Variants in MYH2 observed in about 807,000 individuals in gnomAD.
MYH2 encodes myosin heavy chain 2, also known as myosin-2.
MYH2 carries 139 observed loss-of-function variants against 228.1 expected under a neutral mutation model. The observed-to-expected ratio is 0.61, with a 90% CI of 0.53 to 0.70. The LOEUF (loss-of-function observed/expected upper bound fraction) is 0.70, where lower values mean the gene tolerates loss of function less well. MYH2 is among the 30% of genes least tolerant of loss of function. The pLI is 0.00. For synonymous variants in MYH2, 796 were observed against 871.1 expected, an observed-to-expected ratio of 0.91 and a Z score of 1.52; for missense variants, 1,809 against 2,357.5, an observed-to-expected ratio of 0.77 and a Z score of 4.82.
intron 10 of MYH2, among the ~76,000 whole-genome samples, chr17:10,542,203 G>T (rs1254871666): frequency 2.0e-5 from 3 of 152,194 alleles, no homozygotes; most frequent in African/African-American, 4.8e-5. Context: ...GAACCTGGGA[G>T]GTGGAGGTAG....
chr17:10,529,950 T>C lies in MYH2; in HGVS notation c.2822A>G (p.Glu941Gly). ...RAEDEEEINA[E>G]LTAKKRKLED... is the part of the protein sequence containing the mutation. ...CAGTTTCCTCTTCTTGGCTGTCAGCTCAGCATTGATCTCTTCCTCATCCTC... is the reference window on the plus strand; with the variant it reads ...CAGTTTCCTCTTCTTGGCTGTCAGCCCAGCATTGATCTCTTCCTCATCCTC... Residue 941 changes from glutamate (E) to glycine (G), a missense_variant, in exon 23 of 40, where the codon GAG (glutamate) becomes GGG (glycine). Physicochemically the swap from Glu to Gly is moderately conservative, Grantham distance 98. Transcript: ENST00000245503. The C allele has an allele frequency of 6.2e-7, 1 of 1,613,784 alleles. No individual in the cohort carries two copies. The highest frequency in any genetic ancestry group is 1.3e-5 in the African/African-American group (1 of 74,992).
chr17:10,546,256 G>GATATATAT (rs71139049), intron 4 of MYH2, among the ~76,000 whole-genome samples: 5,831 of 65,616 alleles, frequency 0.089, 786 homozygotes, highest in East Asian at 0.22. Context: ...GACACGAAAT[G>GATATATAT]ATATATATAT....
At chr17:10,527,166 G>T (rs1013665856) in intron 28 of MYH2, 110 bp from the exon 29 acceptor site, 51 of 946,826 alleles carry the variant, frequency 5.4e-5, no homozygotes, top group East Asian at 7.3e-5. Flanking sequence ...TGCTCAGATG[G>T]TTGAATTCTA....
In MYH2 at chr17:10,547,850, C is replaced by G; in HGVS notation, c.71G>C (p.Arg24Pro). The G allele has an allele frequency of 1.9e-6, 3 of 1,614,174 alleles. No individual in the cohort carries two copies. In the South Asian group the frequency reaches 3.3e-5, roughly 18 times the overall value. Residue 24 changes from arginine to proline, a missense_variant, in exon 3 of 40, where the codon CGC (arginine) becomes CCC (proline). Arg to Pro is a moderately radical substitution (Grantham distance 103). Transcript: ENST00000245503. ...APFLRKSERE[R>P]IEAQNRPFDA... is the part of the protein sequence containing the mutation. ...AAAGGGCCTATTCTGGGCCTCAATG[C>G]GCTCCCTTTCAGACTTTCGGAGGAA...
Position 10,527,788 on chromosome 17 carries a change from A to T in MYH2, c.3831T>A (p.Asn1277Lys), listed in dbSNP as rs748769486. The T allele has an allele frequency of 1.9e-6, 3 of 1,614,024 alleles. No individual in the cohort carries two copies. The African/African-American group carries it at 4.0e-5, about 22-fold the overall frequency. ...SKEEEQQRLINDLTAQRGRLQ... is the reference protein window; with the variant it reads ...SKEEEQQRLIKDLTAQRGRLQ... ...GGCGCCCCCTCTGCGCAGTCAGGTC[A>T]TTGATCAGCCGCTGCTGCTCCTCTT... Residue 1277 changes from asparagine (N) to lysine (K), a missense_variant, in exon 28 of 40, where the codon AAT becomes AAA. Asn to Lys is a moderately conservative substitution (Grantham distance 94, BLOSUM62 0). Coordinates refer to ENST00000245503, the MANE Select transcript of MYH2 (RefSeq NM_017534.6).
Position 10,537,561 on chromosome 17 carries a change from C to A in MYH2, c.1588-19G>T, listed in dbSNP as rs1456854417. 1 of 1,614,054 alleles carries A rather than the reference C, an allele frequency of 6.2e-7. No homozygotes were observed. Among genetic ancestry groups the A allele is most frequent in the South Asian group, 1.1e-5 (1 of 91,066 alleles). ...CCATAGGCTAAAAAGCAGACCACAA[C>A]ACAAAATTGTACTTCTATTTTTTTT... On this transcript the variant is annotated intron_variant, in intron 15 of 39. Transcript: ENST00000245503. This position sits in a 1 kb window ranked among gnomAD's most constrained non-coding sequence, Gnocchi z 4.0.
At chr17:10,528,032 A>C (rs899866804) in intron 27 of MYH2, among the ~76,000 whole-genome samples, 158 bp from the exon 28 acceptor site, 1 of 142,490 alleles carries the variant, frequency 7.0e-6, no homozygotes, top group Non-Finnish European at 1.5e-5. Context: ...AATGCAGAAA[A>C]ATTTTTCTTT....
rs138796340 is a variant in MYH2 at position 10,525,330 on chromosome 17, G to A, written c.4556C>T (p.Thr1519Met). 2.8e-5 allele frequency: 45 copies of A among 1,613,840 alleles called. No individual in the cohort carries two copies. Among genetic ancestry groups the A allele is most frequent in the South Asian group, 5.5e-5 (5 of 91,074 alleles). ...KNLQQEISDL[T>M]EQIAEGGKRI... ...TTTCCCTCCTTCTGCAATCTGTTCCGTGAGGTCAGAAATCTCCTCTGTTGT... is the reference window on the plus strand; with the variant it reads ...TTTCCCTCCTTCTGCAATCTGTTCCATGAGGTCAGAAATCTCCTCTGTTGT... The change falls in exon 33 of 40, where the codon ACG becomes ATG. Residue 1519 changes from threonine to methionine, a missense_variant. By Grantham distance (81) the Thr-to-Met change is moderately conservative (BLOSUM62 -1). Transcript: ENST00000245503. The surrounding 1 kb of genome is among the most constrained non-coding windows in gnomAD (Gnocchi z 4.2).
In MYH2 at chr17:10,525,573, T is replaced by C; in HGVS notation, c.4415A>G (p.Glu1472Gly). 6.2e-7 allele frequency: 1 copy of C among 1,614,192 alleles called. No homozygotes were observed. Among genetic ancestry groups the C allele is most frequent in the South Asian group, 1.1e-5 (1 of 91,078 alleles). ...WKQKCEETHAELEASQKEARS... is the reference protein window; with the variant it reads ...WKQKCEETHAGLEASQKEARS... ...GGCCTCCTTCTGGGAGGCCTCAAGC[T>C]CAGCATGCGTTTCCTCACATTTCTG... is the stretch of plus-strand genomic sequence containing the variant. The change falls in exon 32 of 40, where the codon GAG becomes GGG. Residue 1472 changes from glutamate (E) to glycine (G), a missense_variant. Physicochemically the swap from Glu to Gly is moderately conservative, Grantham distance 98 (BLOSUM62 -2). Transcript: ENST00000245503. The surrounding 1 kb of genome is among the most constrained non-coding windows in gnomAD (Gnocchi z 4.2).
chr17:10,531,672 C>T lies in MYH2; in HGVS notation c.2658G>A (p.Leu886=), dbSNP rs2073424846. Residue 886 remains leucine (L), a synonymous_variant, in exon 22 of 40, where the codon CTG becomes CTA. Transcript: ENST00000245503. The part of the protein sequence containing the change: ...RKELEEKMVT[L]LKEKNDLQLQ... Reference sequence around the variant, plus strand: ...GCTGCAAGTCATTTTTTTCTTTCAACAGCGTCACCATCTTTTCTTCCAGTT... The same window carrying T: ...GCTGCAAGTCATTTTTTTCTTTCAATAGCGTCACCATCTTTTCTTCCAGTT... 1 of 1,614,218 alleles carries T rather than the reference C, an allele frequency of 6.2e-7. No homozygotes were observed. The highest frequency in any genetic ancestry group is 8.5e-7 in the Non-Finnish European group (1 of 1,180,034).
At position 10,543,768 on chromosome 17, in the gene MYH2, G is replaced by A. The variant is rs866092507; in HGVS notation, c.684C>T (p.Pro228=). ...TGGCGTTGCCAAAGGCCTCCAGTAG[G>A]GGGTTGGCACTGATGATTTGATCTT... is the stretch of plus-strand genomic sequence containing the variant. ...TLEDQIISAN[P]LLEAFGNAKT... is the part of the protein sequence containing the mutation. Residue 228 remains proline, a synonymous_variant, in exon 8 of 40, where the codon CCC becomes CCT. Coordinates refer to ENST00000245503, the MANE Select transcript of MYH2 (RefSeq NM_017534.6). 1.2e-6 allele frequency: 2 copies of A among 1,614,220 alleles called. No homozygotes were observed. The highest frequency in any genetic ancestry group is 1.7e-6 in the Non-Finnish European group (2 of 1,180,028).
In MYH2 at chr17:10,537,605, A is replaced by G. The variant is rs1471247925; in HGVS notation, c.1587+60T>C. The stretch of plus-strand genomic sequence containing the variant: ...TTTTTTTTCTGTCTATAGAATTAAA[A>G]TAAAAAGCAGCGAATAATATAGTTG... On this transcript the variant is annotated intron_variant, in intron 15 of 39. Transcript: ENST00000245503. The surrounding 1 kb of genome is among the most constrained non-coding windows in gnomAD (Gnocchi z 4.0). The G allele has an allele frequency of 6.2e-7, 1 of 1,614,130 alleles. No homozygotes were observed. Among genetic ancestry groups the G allele is most frequent in the Non-Finnish European group, 8.5e-7 (1 of 1,180,040 alleles).
intron 2 of MYH2, among the ~76,000 whole-genome samples, chr17:10,548,248 G>A (rs1410754557): frequency 6.6e-6 from 1 of 152,164 alleles, no homozygotes; most frequent in African/African-American, 2.4e-5. Flanking sequence ...CCTTGGGTAT[G>A]TCACTTGATG....
intron 19 of MYH2, among the ~76,000 whole-genome samples, 187 bp from the exon 20 acceptor site, chr17:10,533,819 C>T (rs1404315327): frequency 1.3e-5 from 2 of 152,180 alleles, no homozygotes; most frequent in Non-Finnish European, 2.9e-5. Flanking sequence ...GCCTTTCCCT[C>T]GCAGTTGCAA....
At chr17:10,538,824 A>G (rs1442615242) in intron 14 of MYH2, among the ~76,000 whole-genome samples, 1 of 152,184 alleles carries the variant, frequency 6.6e-6, no homozygotes, top group East Asian at 1.9e-4. Context: ...TTCGTAATCA[A>G]ATATGAATTT....
At position 10,539,239 on chromosome 17, in the gene MYH2, C is replaced by T. The variant is rs2073520775; in HGVS notation, c.1382G>A (p.Gly461Glu). ...CTCAAAACCAGCAATGTCCAAGACC[C>T]CGATGAAGTACTGCCTGGGCTGCTT... ...DTKQPRQYFIGVLDIAGFEIF... is the reference protein window; with the variant it reads ...DTKQPRQYFIEVLDIAGFEIF... Residue 461 changes from glycine (G) to glutamate (E), a missense_variant, in exon 14 of 40, where the codon GGG becomes GAG. Physicochemically the swap from Gly to Glu is moderately conservative, Grantham distance 98. Transcript: ENST00000245503. 1 of 1,614,178 alleles carries T rather than the reference C, an allele frequency of 6.2e-7. No homozygotes were observed. Among genetic ancestry groups the T allele is most frequent in the Non-Finnish European group, 8.5e-7 (1 of 1,180,038 alleles).
At chr17:10,539,133 C>T (rs1351670816) in intron 14 of MYH2, 72 bp downstream of exon 14, 1 of 1,611,510 alleles carries the variant, frequency 6.2e-7, no homozygotes, top group Non-Finnish European at 8.5e-7. Context: ...TCATAGTCTT[C>T]ACTAATTCCT....
intron 14 of MYH2, among the ~76,000 whole-genome samples, chr17:10,538,902 A>G (rs749041898): frequency 1.3e-4 from 20 of 152,226 alleles, no homozygotes; most frequent in Non-Finnish European, 2.6e-4. Flanking sequence ...ACTCTAAATT[A>G]TTAACGTTTC....
rs376996900 is a variant in MYH2 at position 10,533,513 on chromosome 17, G to C, written c.2300C>G (p.Thr767Ser). ...IDHTQYKFGH[T>S]KVFFKAGLLG... The stretch of plus-strand genomic sequence containing the variant: ...GTAGGATTTACAGAAAATTACCTTG[G>C]TGTGCCCAAATTTATACTGGGTGTG... Residue 767 changes from threonine (T) to serine (S), a missense_variant, in exon 20 of 40, where the codon ACC becomes AGC. By Grantham distance (58) the Thr-to-Ser change is moderately conservative. This residue lies in a region of MYH2 where 276 missense variants were observed against 344.2 expected (regional missense o/e 0.80). Coordinates refer to ENST00000245503, the MANE Select transcript of MYH2 (RefSeq NM_017534.6). 5 of 1,614,052 alleles carry C rather than the reference G, an allele frequency of 3.1e-6. No homozygotes were observed. Among genetic ancestry groups the C allele is most frequent in the Non-Finnish European group, 4.2e-6 (5 of 1,180,034 alleles).
Sources: allele counts gnomAD v4.1 joint callset (sites outside exome capture counted in the v4.1 genomes callset), GRCh38; gene constraint gnomAD v4.1.1; regional missense constraint gnomAD v4.1.1; non-coding constraint Gnocchi (gnomAD v3.1); transcripts MANE v1.5; gene names NCBI Gene and HGNC (gene_info 2026-07-23, HGNC 2026-07-21).